The following PTPN4 variants were observed in gnomAD, a reference collection of about 807,000 sequenced individuals.
PTPN4 encodes tyrosine-protein phosphatase non-receptor type 4.
Under a neutral mutation model 135.5 loss-of-function variants are expected in PTPN4, and 49 were observed. The observed-to-expected ratio is 0.36, with a 90% CI of 0.29 to 0.46. The LOEUF is 0.46. Among genes scored for constraint, PTPN4 ranks in the 20% least tolerant of loss-of-function variants. The pLI is 1.00. For synonymous variants in PTPN4, 333 were observed against 369.9 expected, an observed-to-expected ratio of 0.90 and a Z score of 1.14; for missense variants, 860 against 1,101.0, an observed-to-expected ratio of 0.78 and a Z score of 3.10.
At chr2:119,845,195 C>T (rs1358847070) in intron 2 of PTPN4, among the ~76,000 whole-genome samples, 2 of 130,418 alleles carry the variant, frequency 1.5e-5, no homozygotes, top group South Asian at 2.8e-4. Context: ...GGCAGCAGTA[C>T]AGTCCAGCTT....
At chr2:119,859,469 G>A (rs1207459400) in intron 2 of PTPN4, among the ~76,000 whole-genome samples, 1 of 152,174 alleles carries the variant, frequency 6.6e-6, no homozygotes, top group Admixed American at 6.5e-5. Context: ...GTTGTTAAGT[G>A]TCCTATCCAG....
At chr2:119,850,191 C>G (rs1458501436) in intron 2 of PTPN4, among the ~76,000 whole-genome samples, 4 of 152,234 alleles carry the variant, frequency 2.6e-5, no homozygotes, top group African/African-American at 7.2e-5. Context: ...TGGCCTGTCT[C>G]CCTTTAACAC....
At chr2:119,899,523 A>G (rs1216691223) in intron 9 of PTPN4, among the ~76,000 whole-genome samples, 1 of 152,112 alleles carries the variant, frequency 6.6e-6, no homozygotes, top group Non-Finnish European at 1.5e-5. Context: ...CATTGATAAC[A>G]TATGTTCATA....
intron 2 of PTPN4, among the ~76,000 whole-genome samples, chr2:119,828,912 C>G (rs922440439): frequency 1.6e-4 from 25 of 152,156 alleles, no homozygotes; most frequent in African/African-American, 5.3e-4. Flanking sequence ...TCTTTTGGGA[C>G]CACCATAGTA....
intron 2 of PTPN4, among the ~76,000 whole-genome samples, chr2:119,825,748 G>A (rs1271746253): frequency 1.3e-5 from 2 of 152,016 alleles, no homozygotes; most frequent in African/African-American, 4.8e-5. Context: ...CACCCACCTT[G>A]GCCTCCCAGA....
At position 119,760,139 on chromosome 2, in the gene PTPN4, A is replaced by G. The variant is rs1191490831; in HGVS notation, c.-263A>G. ...TGTGGATTATCTCATCCCTGCAGGG[A>G]GGTAGGAGAGGTCGCCGGCTGCCCG... is the stretch of plus-strand genomic sequence containing the variant. On this transcript the variant is annotated 5_prime_UTR_variant, in exon 1 of 27. Coordinates refer to ENST00000263708, the MANE Select transcript of PTPN4 (RefSeq NM_002830.4). The G allele has an allele frequency of 1.3e-5, 5 of 391,678 alleles. No individual in the cohort carries two copies. The highest frequency in any genetic ancestry group is 1.8e-5 in the Non-Finnish European group (4 of 222,086). The allele number at this position is 391,678 out of a possible 1,614,324, so 24.3% of individuals were successfully genotyped here. A position where few individuals can be genotyped will look rare whatever the true frequency, so the allele number is the denominator to read the frequency against.
intron 2 of PTPN4, among the ~76,000 whole-genome samples, chr2:119,822,354 C>T (rs947329044): frequency 1.5e-5 from 2 of 132,282 alleles, no homozygotes; most frequent in African/African-American, 2.7e-5. Flanking sequence ...TTAGTATCCC[C>T]TCCCCCCCCC....
intron 12 of PTPN4, among the ~76,000 whole-genome samples, chr2:119,922,308 T>A (rs1329330788): frequency 7.2e-5 from 11 of 151,904 alleles, no homozygotes; most frequent in Non-Finnish European, 1.5e-4. Flanking sequence ...AAGATTGGCC[T>A]AGTATTGACA....
chr2:119,932,380 A>G lies in PTPN4; in HGVS notation c.1071-44A>G, dbSNP rs1451311492. The G allele has an allele frequency of 6.0e-6, 9 of 1,494,706 alleles. No homozygotes were observed. In the Admixed American group the frequency reaches 1.9e-4, roughly 32 times the overall value. 92.6% of individuals were successfully genotyped at this position (1,494,706 alleles called of 1,614,324 possible). A position where few individuals can be genotyped will look rare whatever the true frequency, so the allele number is the denominator to read the frequency against. ...TAGGATTTGATTCATGGTTTGGGGT[A>G]TAAAAATAAAACTTTTAACATATTA... On this transcript the variant is annotated intron_variant, in intron 13 of 26. Transcript: ENST00000263708.
In PTPN4 at chr2:119,882,618, A is replaced by G; in HGVS notation, c.582A>G (p.Gln194=). 4 of 1,529,996 alleles carry G rather than the reference A, an allele frequency of 2.6e-6. No individual in the cohort carries two copies. In the South Asian group the frequency reaches 3.6e-5, roughly 14 times the overall value. The allele number at this position is 1,529,996 out of a possible 1,614,324, so 94.8% of individuals were successfully genotyped here. Residue 194 remains glutamine (Q), a synonymous_variant, in exon 8 of 27, where the codon CAA becomes CAG. Coordinates refer to ENST00000263708, the MANE Select transcript of PTPN4 (RefSeq NM_002830.4). ...FEKEIAKLHQ[Q]HIGLSPAEAE... is the part of the protein sequence containing the mutation. ...AAGAAATTGCAAAATTACATCAGCA[A>G]CACATGTAAGAGTTTTTTAGTTTTT...
chr2:119,804,058 G>C (rs1172126118), intron 1 of PTPN4, among the ~76,000 whole-genome samples: 1 of 152,004 alleles, frequency 6.6e-6, no homozygotes, highest in Non-Finnish European at 1.5e-5. Flanking sequence ...GTTTCTGGAA[G>C]ACAGCATTAT....
chr2:119,779,444 C>T (rs1401573772), intron 1 of PTPN4, among the ~76,000 whole-genome samples: 1 of 152,020 alleles, frequency 6.6e-6, no homozygotes, highest in Admixed American at 6.6e-5. Flanking sequence ...GGTGAAACCC[C>T]ATCTCTACTA....
chr2:119,914,610 T>C lies in PTPN4; in HGVS notation c.765-569T>C, dbSNP rs1678624631. ...AGGACATTTTTCTCAGTAAGAAAGA[T>C]CAAATCTCTTTAGCCTTATTACCCT... On this transcript the variant is annotated intron_variant, in intron 10 of 26. Transcript: ENST00000263708. 2.0e-5 allele frequency among the ~76,000 whole-genome samples: 3 copies of C among 152,126 alleles called. 1 individual carries two copies. Among genetic ancestry groups the C allele is most frequent in the Admixed American group, 2.0e-4 (3 of 15,266 alleles).
chr2:119,791,579 C>G (rs763878004), intron 1 of PTPN4, among the ~76,000 whole-genome samples: 26 of 152,082 alleles, frequency 1.7e-4, no homozygotes, highest in Non-Finnish European at 3.2e-4. Context: ...TTTTTGATAG[C>G]CATTTCCTAT....
Position 119,977,247 on chromosome 2 carries a change from T to C in PTPN4, c.*177T>C, listed in dbSNP as rs1292806917. On this transcript the variant is annotated 3_prime_UTR_variant, in exon 27 of 27. Coordinates refer to ENST00000263708, the MANE Select transcript of PTPN4 (RefSeq NM_002830.4). Reference sequence around the variant, plus strand: ...TTTAAAAAATGTCACTCTTTCAAAATCTATAACTCATGTATTTGAAGACTG... The same window carrying C: ...TTTAAAAAATGTCACTCTTTCAAAACCTATAACTCATGTATTTGAAGACTG... The C allele has an allele frequency of 1.9e-6, 2 of 1,036,150 alleles. No homozygotes were observed. The highest frequency in any genetic ancestry group is 8.7e-5 in the Admixed American group (2 of 23,012). The allele number at this position is 1,036,150 out of a possible 1,614,324, so 64.2% of individuals were successfully genotyped here.
intron 10 of PTPN4, among the ~76,000 whole-genome samples, chr2:119,912,376 G>A (rs887600691): frequency 6.6e-6 from 1 of 152,078 alleles, no homozygotes; most frequent in Non-Finnish European, 1.5e-5. Flanking sequence ...GGTTTGATAA[G>A]TACACATGTA....
intron 18 of PTPN4, among the ~76,000 whole-genome samples, chr2:119,949,888 C>G (rs1356862288): frequency 1.3e-5 from 2 of 151,884 alleles, no homozygotes; most frequent in East Asian, 3.9e-4. Flanking sequence ...CACACACACA[C>G]AGAGCAAGAC....
intron 15 of PTPN4, among the ~76,000 whole-genome samples, chr2:119,940,309 C>G (rs898898721): frequency 6.6e-6 from 1 of 152,100 alleles, no homozygotes. Context: ...TGTTAAGAAG[C>G]CTGAATTTTG....
At chr2:119,936,826 G>C (rs1350263285) in intron 15 of PTPN4, among the ~76,000 whole-genome samples, 2 of 152,050 alleles carry the variant, frequency 1.3e-5, no homozygotes, top group Non-Finnish European at 2.9e-5. Flanking sequence ...AAAATGCTTG[G>C]AGCCTTCTCC....
Sources: gnomAD v4.1 joint callset for allele counts (sites outside exome capture counted in the v4.1 genomes callset) on GRCh38, gnomAD v4.1.1 for gene constraint, MANE v1.5 for transcripts, NCBI Gene and HGNC (gene_info 2026-07-23, HGNC 2026-07-21) for gene names.